Variants in FASN observed in about 807,000 individuals in gnomAD.
FASN encodes the protein 3-hydroxyacyl-[acyl-carrier-protein] dehydratase.
Under a neutral mutation model 250.0 loss-of-function variants are expected in FASN, and 50 were observed. The observed-to-expected ratio is 0.20, with a 90% confidence interval of 0.16 to 0.25. The LOEUF is 0.25. FASN is among the 10% of genes least tolerant of loss of function. The pLI is 1.00. For synonymous variants in FASN, 1,909 were observed against 1,584.0 expected, an observed-to-expected ratio of 1.21 and a Z score of -4.87; for missense variants, 3,031 against 3,498.5, an observed-to-expected ratio of 0.87 and a Z score of 3.37.
In FASN at chr17:82,090,448, G is replaced by A. The variant is rs771642167; in HGVS notation, c.1797C>T (p.Ala599=). 4.4e-5 allele frequency: 71 copies of A among 1,605,598 alleles called. No homozygotes were observed. The highest frequency in any genetic ancestry group is 5.1e-5 in the Non-Finnish European group (60 of 1,177,126). The change falls in exon 11 of 43, where the codon GCC becomes GCT. Residue 599 remains alanine, a synonymous_variant. Coordinates refer to ENST00000306749, the MANE Select transcript of FASN (RefSeq NM_004104.5). The part of the protein sequence containing the change: ...YADGCLSQEE[A]VLAAYWRGQC... ...GTCCCCTCCAGTAGGCAGCGAGGAC[G>A]GCCTCCTCCTGGGACAGGCAGCCGT...
At chr17:82,089,752 T>A (rs1246185828) in intron 11 of FASN, 26 bp from the exon 12 acceptor site, 1 of 1,563,878 alleles carries the variant, frequency 6.4e-7, no homozygotes, top group East Asian at 2.4e-5. Context: ...CCTCAGAGGC[T>A]TAGCGTGGAC....
chr17:82,090,519 C>T lies in FASN; in HGVS notation c.1726G>A (p.Gly576Ser). The change falls in exon 11 of 43, where the codon GGC becomes AGC. Residue 576 changes from glycine (G) to serine (S), a missense_variant. Physicochemically the swap from Gly to Ser is moderately conservative, Grantham distance 56. Coordinates refer to ENST00000306749, the MANE Select transcript of FASN (RefSeq NM_004104.5). ...LLSCMGLRPD[G>S]IVGHSLGEVA... The stretch of plus-strand genomic sequence containing the variant: ...TCCCCCAGGGAGTGGCCGACGATGC[C>T]ATCTGGCCTCAGCCCCATGCAGCTC... The T allele has an allele frequency of 6.2e-7, 1 of 1,611,886 alleles. No homozygotes were observed. The highest frequency in any genetic ancestry group is 8.5e-7 in the Non-Finnish European group (1 of 1,179,622).
rs758271500 is a variant in FASN, at chr17:82,088,405, C to T, written c.2578G>A (p.Ala860Thr). The T allele has an allele frequency of 1.9e-5, 31 of 1,612,020 alleles. No homozygotes were observed. The highest frequency in any genetic ancestry group is 4.4e-5 in the South Asian group (4 of 91,060). ...FPNGSGSPSA[A>T]IYNIDTSSES... ...CCCTGCTCACCGATGTTGTAGATGG[C>T]GGCTGAGGGGGAACCTGAACCGTTG... Residue 860 changes from alanine (A) to threonine (T), a missense_variant, in exon 16 of 43, where the codon GCC (alanine) becomes ACC (threonine). Coordinates refer to ENST00000306749, the MANE Select transcript of FASN (RefSeq NM_004104.5).
Position 82,090,465 on chromosome 17 carries a change from G to C in FASN, c.1780C>G (p.Leu594Val). 1 of 1,606,692 alleles carries C rather than the reference G, an allele frequency of 6.2e-7. No individual in the cohort carries two copies. Among genetic ancestry groups the C allele is most frequent in the Non-Finnish European group, 8.5e-7 (1 of 1,177,702 alleles). The change falls in exon 11 of 43, where the codon CTG (leucine) becomes GTG (valine). Residue 594 changes from leucine to valine, a missense_variant. By Grantham distance (32) the Leu-to-Val change is conservative. Transcript: ENST00000306749. Reference sequence around the variant, plus strand: ...GCGAGGACGGCCTCCTCCTGGGACAGGCAGCCGTCGGCGTAGCCACAGGCC... The same window carrying C: ...GCGAGGACGGCCTCCTCCTGGGACACGCAGCCGTCGGCGTAGCCACAGGCC... ...EVACGYADGC[L>V]SQEEAVLAAY...
At chr17:82,094,705 T>C (rs547571239) in intron 3 of FASN, among the ~76,000 whole-genome samples, 105 of 151,476 alleles carry the variant, frequency 6.9e-4, no homozygotes, top group African/African-American at 2.5e-3. Flanking sequence ...AGGAGAATGG[T>C]GTGAACCCAG....
rs115212667 is a variant in FASN at position 82,092,928 on chromosome 17, G to C, written c.747C>G (p.Ala249=). 6.8e-6 allele frequency: 11 copies of C among 1,606,862 alleles called. No homozygotes were observed. Among genetic ancestry groups the C allele is most frequent in the Non-Finnish European group, 9.3e-6 (11 of 1,177,450 alleles). Residue 249 remains alanine (A), a synonymous_variant, in exon 6 of 43, where the codon GCC becomes GCG. Transcript: ENST00000306749. The part of the protein sequence containing the change: ...ARRVYATILN[A]GTNTDGFKEQ... The stretch of plus-strand genomic sequence containing the variant: ...CCTTGAAGCCATCTGTATTGGTGCC[G>C]GCGTTCAGGATGGTGGCGTACACCC...
intron 19 of FASN, 24 bp downstream of exon 19, chr17:82,087,661 G>C (rs376667106): frequency 6.2e-7 from 1 of 1,609,388 alleles, no homozygotes. Flanking sequence ...CGGTGGCTTG[G>C]GCAGCAGTGT....
intron 10 of FASN, 56 bp from the exon 11 acceptor site, chr17:82,090,620 G>A: frequency 1.3e-6 from 2 of 1,506,194 alleles, no homozygotes; most frequent in South Asian, 2.3e-5. Context: ...AGCTGTTGGG[G>A]GCGGCCCCCG....
Position 82,083,504 on chromosome 17 carries a change from C to G in FASN, c.5341+13G>C. On this transcript the variant is annotated intron_variant, in intron 31 of 42. Transcript: ENST00000306749. The stretch of plus-strand genomic sequence containing the variant: ...ATCCATGCCCACCCCCGCCCAGGCG[C>G]TGCCGGCCTCACCGAGCGGGTGGTT... The G allele has an allele frequency of 5.0e-6, 8 of 1,612,816 alleles. No homozygotes were observed. Among genetic ancestry groups the G allele is most frequent in the Non-Finnish European group, 6.8e-6 (8 of 1,179,982 alleles).
At chr17:82,095,603 C>G in intron 2 of FASN, 131 bp from the exon 3 acceptor site, 1 of 1,143,494 alleles carries the variant, frequency 8.7e-7, no homozygotes, top group East Asian at 2.5e-5. Context: ...GAGGCCCAAA[C>G]AATGGAGCAG....
rs1209668234 is a variant in FASN, at chr17:82,084,941, G to A, written c.4422C>T (p.Leu1474=). 2.6e-6 allele frequency: 4 copies of A among 1,557,200 alleles called. No individual in the cohort carries two copies. The highest frequency in any genetic ancestry group is 2.4e-5 in the South Asian group (2 of 84,858). ...CGTGGGAGGTGCTGCTGAGGTTGGA[G>A]AGCAGCACACACCTGGGGGCAGAGG... ...PGGNRLRCVL[L]SNLSSTSHVP... Residue 1474 remains leucine, a synonymous_variant, in exon 26 of 43, where the codon CTC becomes CTT. Transcript: ENST00000306749.
intron 18 of FASN, 31 bp from the exon 19 acceptor site, chr17:82,087,892 G>C: frequency 6.2e-7 from 1 of 1,612,460 alleles, no homozygotes; most frequent in South Asian, 1.1e-5. Context: ...AAGGGCCTGA[G>C]GACGGGCGGC....
chr17:82,097,956 G>C (rs999917274), intron 1 of FASN, among the ~76,000 whole-genome samples, 165 bp downstream of exon 1: 3 of 151,880 alleles, frequency 2.0e-5, no homozygotes, highest in South Asian at 4.1e-4. Flanking sequence ...CCTCCGAAGG[G>C]GCACGAACAC....
chr17:82,093,544 G>T, intron 4 of FASN, 54 bp downstream of exon 4: 1 of 1,610,380 alleles, frequency 6.2e-7, no homozygotes, highest in Non-Finnish European at 8.5e-7. Context: ...TTTCTGCTCA[G>T]CATGTGGGGA....
chr17:82,092,540 G>A lies in FASN; in HGVS notation c.944C>T (p.Thr315Ile). The A allele has an allele frequency of 6.2e-7, 1 of 1,606,464 alleles. No individual in the cohort carries two copies. Among genetic ancestry groups the A allele is most frequent in the Non-Finnish European group, 8.5e-7 (1 of 1,179,036 alleles). The part of the protein sequence containing the change: ...LNGITRALCA[T>I]RQEPLLIGST... ...GCCGATGAGCAGCGGCTCCTGGCGG[G>A]TGGCGCACAGGGCTCGGGTGATGCC... Residue 315 changes from threonine to isoleucine, a missense_variant, in exon 8 of 43, where the codon ACC becomes ATC. Transcript: ENST00000306749.
At chr17:82,090,141 C>A (rs1438278504) in intron 11 of FASN, among the ~76,000 whole-genome samples, 1 of 152,220 alleles carries the variant, frequency 6.6e-6, no homozygotes, top group Non-Finnish European at 1.5e-5. Flanking sequence ...CACACGGGGG[C>A]TCCACGCAGG....
At chr17:82,093,040 G>C (rs762147952) in intron 5 of FASN, 21 bp from the exon 6 acceptor site, 2 of 1,610,722 alleles carry the variant, frequency 1.2e-6, no homozygotes, top group African/African-American at 1.3e-5. Context: ...CAGCACCTCA[G>C]GCCCGGGGCT....
chr17:82,081,841 G>A lies in FASN; in HGVS notation c.6166C>T (p.Leu2056=), dbSNP rs1286351810. ...EKRRHEGLPG[L]AVQWGAIGDV... ...CCGATGGCGCCCCACTGCACGGCCA[G>A]GCCTGTGGGGGAGGGGGCAGGTGGG... is the stretch of plus-strand genomic sequence containing the variant. The change falls in exon 37 of 43, where the codon CTG becomes TTG. Residue 2056 remains leucine, a splice_region_variant and synonymous_variant. Transcript: ENST00000306749. The A allele has an allele frequency of 6.2e-7, 1 of 1,604,314 alleles. No homozygotes were observed. Among genetic ancestry groups the A allele is most frequent in the African/African-American group, 1.3e-5 (1 of 74,746 alleles).
At chr17:82,095,194 G>C in intron 3 of FASN, 126 bp downstream of exon 3, 1 of 1,208,334 alleles carries the variant, frequency 8.3e-7, no homozygotes, top group South Asian at 1.2e-5. Flanking sequence ...GCCAGGCCAG[G>C]GGCACAGCCG....
Sources: gnomAD v4.1 joint callset for allele counts (sites outside exome capture counted in the v4.1 genomes callset) on GRCh38, gnomAD v4.1.1 for gene constraint, MANE v1.5 for transcripts, NCBI Gene and HGNC (gene_info 2026-07-23, HGNC 2026-07-21) for gene names.